ABI3BP: variants seen among roughly 807,000 people sequenced by gnomAD.
The protein encoded by ABI3BP is target of Nesh-SH3.
ABI3BP carries 216 observed loss-of-function variants against 268.6 expected under a neutral mutation model. That is an observed-to-expected ratio of 0.80 (90% confidence interval 0.72 to 0.90). The LOEUF is 0.90. Among genes scored for constraint, ABI3BP ranks in the 40% least tolerant of loss-of-function variants. The pLI is 0.00. For synonymous variants in ABI3BP, 730 were observed against 730.0 expected, an observed-to-expected ratio of 1.00 and a Z score of 0.00; for missense variants, 2,090 against 2,182.4, an observed-to-expected ratio of 0.96 and a Z score of 0.84.
At chr3:100,968,249 A>C (rs1404764961) in intron 1 of ABI3BP, among the ~76,000 whole-genome samples, 1 of 152,208 alleles carries the variant, frequency 6.6e-6, no homozygotes, top group Non-Finnish European at 1.5e-5. Context: ...AAATATGTAT[A>C]TATATTTTTC....
At chr3:100,977,148 C>T (rs2086643818) in intron 1 of ABI3BP, among the ~76,000 whole-genome samples, 1 of 152,212 alleles carries the variant, frequency 6.6e-6, no homozygotes, top group Non-Finnish European at 1.5e-5. Flanking sequence ...GGCAAAACTA[C>T]ATTTCCAAAG....
At chr3:100,888,272 G>A (rs2042895893) in intron 4 of ABI3BP, among the ~76,000 whole-genome samples, 1 of 152,102 alleles carries the variant, frequency 6.6e-6, no homozygotes, top group Non-Finnish European at 1.5e-5. Context: ...GTAATAGAAT[G>A]TAATAGAAGT....
In ABI3BP at chr3:100,898,865, G is replaced by T; in HGVS notation, c.358C>A (p.Leu120Met). Reference protein sequence around the residue: ...GKTRSRKPLQLVVGTLTPSSV... With the variant: ...GKTRSRKPLQMVVGTLTPSSV... ...CTCGGTGTCAGAGTGCCAACCACCA[G>T]CTGCAGAGGTTTGCGAGAACGAGTT... The change falls in exon 4 of 68, where the codon CTG becomes ATG. Residue 120 changes from leucine (L) to methionine (M), a missense_variant. Leu to Met is a conservative substitution (Grantham distance 15, BLOSUM62 2). Transcript: ENST00000471714. 1 of 1,612,500 alleles carries T rather than the reference G, an allele frequency of 6.2e-7. No individual in the cohort carries two copies. Among genetic ancestry groups the T allele is most frequent in the Non-Finnish European group, 8.5e-7 (1 of 1,179,388 alleles).
At chr3:100,924,110 A>G (rs1020390943) in intron 2 of ABI3BP, among the ~76,000 whole-genome samples, 1 of 152,178 alleles carries the variant, frequency 6.6e-6, no homozygotes, top group Non-Finnish European at 1.5e-5. Context: ...CAGAAAATAC[A>G]GAATGGAAGC....
Position 100,886,094 on chromosome 3 carries a change from G to T in ABI3BP, c.643+48C>A. 2.1e-6 allele frequency: 3 copies of T among 1,450,836 alleles called. No individual in the cohort carries two copies. The South Asian group carries it at 4.6e-5, about 22-fold the overall frequency. 89.9% of individuals were successfully genotyped at this position (1,450,836 alleles called of 1,614,324 possible). A position where few individuals can be genotyped will look rare whatever the true frequency, so the allele number is the denominator to read the frequency against. ...ACATAATTAAAAATTAGGTAACTAAGAAAAAAATTATAAAAGCTTACTGAA... is the reference window on the plus strand; with the variant it reads ...ACATAATTAAAAATTAGGTAACTAATAAAAAAATTATAAAAGCTTACTGAA... On this transcript the variant is annotated intron_variant, in intron 5 of 67. Transcript: ENST00000471714.
At chr3:100,983,156 C>T (rs1190126758) in intron 1 of ABI3BP, among the ~76,000 whole-genome samples, 11 of 152,216 alleles carry the variant, frequency 7.2e-5, no homozygotes, top group Admixed American at 2.0e-4. Context: ...TCCACCTTGG[C>T]ATCACCTTGT....
chr3:100,866,835 C>T (rs1415022222), intron 10 of ABI3BP, 44 bp downstream of exon 10: 1 of 1,539,892 alleles, frequency 6.5e-7, no homozygotes, highest in East Asian at 2.3e-5. Flanking sequence ...TGAAAAAAAG[C>T]ATTTTTTCTT....
In ABI3BP at chr3:100,753,797, C is replaced by T. The variant is rs764391043; in HGVS notation, c.4960+22G>A. 10 of 1,609,686 alleles carry T rather than the reference C, an allele frequency of 6.2e-6. No homozygotes were observed. The South Asian group carries it at 1.1e-4, about 18-fold the overall frequency. ...AAATTTAGAAAAGCATGTAGTTGTG[C>T]CTCATTGAGACAGGTACTTACCAGA... On this transcript the variant is annotated intron_variant, in intron 65 of 67. Coordinates refer to ENST00000471714, the MANE Select transcript of ABI3BP (RefSeq NM_001375547.2).
At chr3:100,901,820 T>C (rs2050564901) in intron 3 of ABI3BP, among the ~76,000 whole-genome samples, 1 of 152,000 alleles carries the variant, frequency 6.6e-6, no homozygotes, top group African/African-American at 2.4e-5. Flanking sequence ...TATATAGAGT[T>C]AGGAAGATGC....
intron 3 of ABI3BP, among the ~76,000 whole-genome samples, 191 bp from the exon 4 acceptor site, chr3:100,899,085 T>A (rs1304788112): frequency 1.3e-5 from 2 of 152,238 alleles, no homozygotes; most frequent in Non-Finnish European, 2.9e-5. Flanking sequence ...AATACCTTTT[T>A]CAGATTTGTG....
intron 48 of ABI3BP, among the ~76,000 whole-genome samples, chr3:100,810,770 ATAT>A (rs1409621601): frequency 6.6e-6 from 1 of 152,188 alleles, no homozygotes; most frequent in Non-Finnish European, 1.5e-5. Flanking sequence ...AATTTTAAAA[ATAT>A]TATAGTATGA....
intron 2 of ABI3BP, among the ~76,000 whole-genome samples, chr3:100,910,742 A>G (rs1269028791): frequency 6.6e-6 from 1 of 152,170 alleles, no homozygotes; most frequent in African/African-American, 2.4e-5. Flanking sequence ...GAAATGTGAA[A>G]AAAGATTTTG....
intron 65 of ABI3BP, 78 bp downstream of exon 65, chr3:100,753,741 T>C (rs2095464826): frequency 6.6e-7 from 1 of 1,519,312 alleles, no homozygotes; most frequent in Admixed American, 1.9e-5. Flanking sequence ...GAAATCATGA[T>C]TCAGATTCTG....
intron 14 of ABI3BP, 66 bp downstream of exon 14, chr3:100,862,244 AT>A: frequency 9.3e-7 from 1 of 1,080,246 alleles, no homozygotes; most frequent in Non-Finnish European, 1.3e-6. Context: ...TAAGGAACCT[AT>A]AAAAACAATA....
At chr3:100,871,519 T>C (rs115542001) in intron 9 of ABI3BP, among the ~76,000 whole-genome samples, 2,066 of 152,248 alleles carry the variant, frequency 0.014, 43 homozygotes, top group African/African-American at 0.047. Flanking sequence ...GATTGAATCA[T>C]CAGGGCAGGT....
At chr3:100,988,829 G>GC (rs569227194) in intron 1 of ABI3BP, among the ~76,000 whole-genome samples, 39 of 152,302 alleles carry the variant, frequency 2.6e-4, no homozygotes, top group Non-Finnish European at 4.3e-4. Flanking sequence ...TTTACATAGA[G>GC]CAGGGAACTA....
intron 1 of ABI3BP, among the ~76,000 whole-genome samples, chr3:100,979,395 A>G (rs1487125107): frequency 6.6e-6 from 1 of 152,212 alleles, no homozygotes; most frequent in Non-Finnish European, 1.5e-5. Flanking sequence ...TGACAAACAG[A>G]GGTAAATGTT....
chr3:100,796,858 T>C (rs1324307729), intron 51 of ABI3BP, among the ~76,000 whole-genome samples: 1 of 152,060 alleles, frequency 6.6e-6, no homozygotes, highest in South Asian at 2.1e-4. Flanking sequence ...CAACAAAAAA[T>C]ATGTATCTTA....
At chr3:100,856,164 G>C (rs2098937451) in intron 14 of ABI3BP, among the ~76,000 whole-genome samples, 1 of 152,142 alleles carries the variant, frequency 6.6e-6, no homozygotes, top group African/African-American at 2.4e-5. Flanking sequence ...AGGGCAGACA[G>C]ATAATAAATG....
Sources: allele counts gnomAD v4.1 joint callset (sites outside exome capture counted in the v4.1 genomes callset), GRCh38; gene constraint gnomAD v4.1.1; transcripts MANE v1.5; gene names NCBI Gene and HGNC (gene_info 2026-07-23, HGNC 2026-07-21).